Variants in MAP3K13 observed in about 807,000 individuals in gnomAD.
The protein encoded by MAP3K13 is leucine zipper-bearing kinase.
A neutral mutation model predicts 104.0 loss-of-function variants in MAP3K13; 52 were observed. That is an observed-to-expected ratio of 0.50 (90% confidence interval 0.40 to 0.63). The LOEUF (loss-of-function observed/expected upper bound fraction) is 0.63, where lower values mean the gene tolerates loss of function less well. Among genes scored for constraint, MAP3K13 ranks in the 20% least tolerant of loss-of-function variants. The pLI is 0.00. For missense variants in MAP3K13, 914 were observed against 1,218.5 expected (o/e 0.75, Z 3.72); for synonymous variants, 394 against 442.2 (o/e 0.89, Z 1.37).
intron 2 of MAP3K13, among the ~76,000 whole-genome samples, chr3:185,352,899 A>G (rs966705458): frequency 8.5e-5 from 13 of 152,370 alleles, no homozygotes; most frequent in East Asian, 1.9e-4. Context: ...TAAAAATACA[A>G]TATAAATTGA....
At chr3:185,312,517 A>G (rs1311098222) in intron 2 of MAP3K13, among the ~76,000 whole-genome samples, 2 of 152,210 alleles carry the variant, frequency 1.3e-5, no homozygotes, top group Non-Finnish European at 2.9e-5. Context: ...TTATCCAGTG[A>G]AGAAGTATTT....
At chr3:185,390,585 T>A (rs1257897720) in intron 1 of MAP3K13, among the ~76,000 whole-genome samples, 1 of 152,100 alleles carries the variant, frequency 6.6e-6, no homozygotes, top group East Asian at 1.9e-4. Context: ...TTCAGCTTTA[T>A]CTCCTAAGTT....
Position 185,473,477 on chromosome 3 carries a change from G to A in MAP3K13, c.2146G>A (p.Gly716Ser), listed in dbSNP as rs1178055532. The change falls in exon 11 of 14, where the codon GGC becomes AGC. Residue 716 changes from glycine to serine, a missense_variant. Physicochemically the swap from Gly to Ser is moderately conservative, Grantham distance 56 (BLOSUM62 0). Around this residue, in one of 3 missense-constraint regions of MAP3K13, gnomAD observed 583 missense variants for 737.4 expected, o/e 0.79. Transcript: ENST00000265026. The surrounding 1 kb of genome is among the most constrained non-coding windows in gnomAD (Gnocchi z 4.9). ...CTGGAGAAGTTCTGAGCCTGACAAG[G>A]GCCAAGCTGGTCCCTGGGGCTGTTG... Reference protein sequence around the residue: ...DCWRSSEPDKGQAGPWGCCQA... With the variant: ...DCWRSSEPDKSQAGPWGCCQA... 5 of 1,614,064 alleles carry A rather than the reference G, an allele frequency of 3.1e-6. No homozygotes were observed. In the Admixed American group the frequency reaches 8.3e-5, roughly 27 times the overall value.
At chr3:185,286,982 A>T (rs1002379041) in intron 2 of MAP3K13, among the ~76,000 whole-genome samples, 5 of 152,132 alleles carry the variant, frequency 3.3e-5, no homozygotes, top group African/African-American at 1.2e-4. Context: ...TTCTGTTCTT[A>T]TAATACTTGG....
chr3:185,318,284 T>C (rs934593991), intron 2 of MAP3K13, among the ~76,000 whole-genome samples: 1 of 152,342 alleles, frequency 6.6e-6, no homozygotes, highest in Non-Finnish European at 1.5e-5. Context: ...ATGTTATCCT[T>C]GGTAGTTATA....
intron 2 of MAP3K13, among the ~76,000 whole-genome samples, chr3:185,431,422 GTCTAC>G (rs1472600596): frequency 6.6e-6 from 1 of 152,084 alleles, no homozygotes; most frequent in Non-Finnish European, 1.5e-5. Context: ...ATGACCATTT[GTCTAC>G]TCCTTTACTT....
intron 2 of MAP3K13, among the ~76,000 whole-genome samples, chr3:185,325,029 G>C (rs1026012906): frequency 6.6e-6 from 1 of 152,162 alleles, no homozygotes; most frequent in Non-Finnish European, 1.5e-5. Context: ...CAAACTAAAG[G>C]TCTCTAATAA....
chr3:185,286,048 AGTTTT>A (rs1720498828), intron 2 of MAP3K13, among the ~76,000 whole-genome samples: 1 of 152,132 alleles, frequency 6.6e-6, no homozygotes, highest in Non-Finnish European at 1.5e-5. Context: ...TCTACTGATT[AGTTTT>A]ATCTTGTGCC....
At chr3:185,411,609 T>C (rs1713450274) in intron 1 of MAP3K13, among the ~76,000 whole-genome samples, 1 of 152,214 alleles carries the variant, frequency 6.6e-6, no homozygotes, top group Non-Finnish European at 1.5e-5. Context: ...AGAAGGATTC[T>C]TCATTTTGCA....
intron 2 of MAP3K13, among the ~76,000 whole-genome samples, chr3:185,321,137 T>C: frequency 6.6e-6 from 1 of 150,892 alleles, no homozygotes; most frequent in Admixed American, 6.6e-5. Context: ...TACACATGTG[T>C]ATATTACATA....
intron 1 of MAP3K13, among the ~76,000 whole-genome samples, chr3:185,364,842 A>C (rs1230231597): frequency 3.3e-5 from 5 of 152,226 alleles, no homozygotes; most frequent in African/African-American, 1.2e-4. Flanking sequence ...TTAACAAATG[A>C]GATAACATTT....
chr3:185,474,614 C>T (rs367738616), intron 11 of MAP3K13, among the ~76,000 whole-genome samples: 2 of 152,212 alleles, frequency 1.3e-5, no homozygotes, highest in African/African-American at 4.8e-5. Context: ...TCCCCTGAGG[C>T]ACTAGCTTTC....
rs2148933722 is a variant in MAP3K13 at position 185,484,043 on chromosome 3, T to G, written c.*1587T>G. 6.6e-6 allele frequency: 1 copy of G among 152,294 alleles called. No individual in the cohort carries two copies. Among genetic ancestry groups the G allele is most frequent in the East Asian group, 1.9e-4 (1 of 5,178 alleles). The allele number at this position is 152,294 out of a possible 1,614,324, so 9.4% of individuals were successfully genotyped here. On this transcript the variant is annotated 3_prime_UTR_variant, in exon 14 of 14. Transcript: ENST00000265026. ...AGAAGTCTTAATGACTGGCTACCAC[T>G]GTCAGAATAAAAGCAAAAACAAGCA...
At chr3:185,354,399 G>A (rs1376796075) in intron 2 of MAP3K13, among the ~76,000 whole-genome samples, 4 of 148,580 alleles carry the variant, frequency 2.7e-5, no homozygotes, top group African/African-American at 7.4e-5. Context: ...CATTGCCCCC[G>A]TTTGAAGCCT....
At chr3:185,411,803 G>A (rs1297194227) in intron 1 of MAP3K13, among the ~76,000 whole-genome samples, 1 of 54,134 alleles carries the variant, frequency 1.8e-5, no homozygotes, top group African/African-American at 6.8e-5. Context: ...TTTTTTTTTT[G>A]AGACAGAATC....
intron 1 of MAP3K13, 125 bp downstream of exon 1, chr3:185,363,493 A>G: frequency 2.4e-6 from 1 of 416,744 alleles, no homozygotes. Context: ...AGAGAGACAG[A>G]GAGACAGAGG....
intron 1 of MAP3K13, among the ~76,000 whole-genome samples, chr3:185,368,692 C>G (rs1724007904): frequency 6.6e-6 from 1 of 152,126 alleles, no homozygotes; most frequent in South Asian, 2.1e-4. Context: ...TGCGGTGGCT[C>G]ACACCTGTAA....
chr3:185,429,448 G>C (rs1211513670), intron 2 of MAP3K13, among the ~76,000 whole-genome samples: 2 of 151,944 alleles, frequency 1.3e-5, no homozygotes, highest in Non-Finnish European at 2.9e-5. Flanking sequence ...AAATCATGCA[G>C]TGGCCACATA....
At chr3:185,415,221 T>C (rs1304961296) in intron 1 of MAP3K13, among the ~76,000 whole-genome samples, 1 of 152,084 alleles carries the variant, frequency 6.6e-6, no homozygotes, top group Non-Finnish European at 1.5e-5. Flanking sequence ...GGCGCGATCA[T>C]GGCTCACTGC....
Sources: gnomAD v4.1 joint callset for allele counts (sites outside exome capture counted in the v4.1 genomes callset) on GRCh38, gnomAD v4.1.1 for gene constraint, gnomAD v4.1.1 regional missense constraint, Gnocchi (gnomAD v3.1) non-coding constraint, MANE v1.5 for transcripts, NCBI Gene and HGNC (gene_info 2026-07-23, HGNC 2026-07-21) for gene names.